The following ARHGEF38 variants were observed in gnomAD, a reference collection of about 807,000 sequenced individuals.
ARHGEF38 encodes Rho guanine nucleotide exchange factor 38.
A neutral mutation model predicts 79.9 loss-of-function variants in ARHGEF38; 79 were observed. The observed-to-expected ratio is 0.99, with a 90% CI of 0.82 to 1.19. ARHGEF38 has a LOEUF of 1.19. Among genes scored for constraint, ARHGEF38 ranks in the 50% most tolerant of loss-of-function variants. The pLI is 0.00. For synonymous variants in ARHGEF38, 366 were observed against 328.3 expected (o/e 1.11, Z -1.24); for missense variants, 962 against 907.2 (o/e 1.06, Z -0.78).
chr4:105,629,952 G>C (rs1370193080), intron 3 of ARHGEF38, among the ~76,000 whole-genome samples: 1 of 152,138 alleles, frequency 6.6e-6, no homozygotes, highest in Non-Finnish European at 1.5e-5. Flanking sequence ...CTTTCAGAGA[G>C]CCTCAGGAAA....
intron 3 of ARHGEF38, among the ~76,000 whole-genome samples, chr4:105,622,859 A>T (rs941664305): frequency 1.3e-5 from 2 of 152,232 alleles, no homozygotes; most frequent in African/African-American, 4.8e-5. Context: ...TTTTGCACAC[A>T]TGTTATTTCA....
intron 2 of ARHGEF38, among the ~76,000 whole-genome samples, chr4:105,595,126 T>C (rs1727521166): frequency 6.6e-6 from 1 of 152,160 alleles, no homozygotes; most frequent in African/African-American, 2.4e-5. Flanking sequence ...AGTGCAAATC[T>C]ACCAAAGATC....
chr4:105,638,827 T>C lies in ARHGEF38; in HGVS notation c.674+2407T>C, dbSNP rs79782016. ...TGCATAATATTCTGTCTGATATATATGCCATAATTTAGTTTGCCAAACCCT... is the reference window on the plus strand; with the variant it reads ...TGCATAATATTCTGTCTGATATATACGCCATAATTTAGTTTGCCAAACCCT... On this transcript the variant is annotated intron_variant, in intron 5 of 13. Coordinates refer to ENST00000420470, the MANE Select transcript of ARHGEF38 (RefSeq NM_001242729.2). Among the ~76,000 whole-genome samples, 1,276 of 152,280 alleles carry C rather than the reference T, an allele frequency of 8.4e-3. 18 individuals are homozygous for C. The highest frequency in any genetic ancestry group is 0.029 in the African/African-American group (1,226 of 41,564).
chr4:105,664,175 A>G (rs1267997159), intron 10 of ARHGEF38, among the ~76,000 whole-genome samples: 2 of 152,208 alleles, frequency 1.3e-5, no homozygotes, highest in African/African-American at 2.4e-5. Context: ...GGATTGCTGA[A>G]TCATATGGTA....
chr4:105,676,261 A>G lies in ARHGEF38; in HGVS notation c.2149-1491A>G, dbSNP rs1350676454. Reference sequence around the variant, plus strand: ...CTTTTCCTATATGTTGTTTTCATGTATTCATCTCCGTACCTTCAAATATGA... The same window carrying G: ...CTTTTCCTATATGTTGTTTTCATGTGTTCATCTCCGTACCTTCAAATATGA... On this transcript the variant is annotated intron_variant, in intron 13 of 13. Transcript: ENST00000420470. Among the ~76,000 whole-genome samples the G allele has an allele frequency of 3.3e-5, 5 of 152,272 alleles. No individual in the cohort carries two copies. The South Asian group carries it at 6.2e-4, about 19-fold the overall frequency.
chr4:105,643,977 C>T lies in ARHGEF38; in HGVS notation c.675-1211C>T, dbSNP rs376165215. 1.9e-4 allele frequency among the ~76,000 whole-genome samples: 29 copies of T among 151,344 alleles called. No homozygotes were observed. In the South Asian group the frequency reaches 5.9e-3, roughly 31 times the overall value. The stretch of plus-strand genomic sequence containing the variant: ...GACCTCCCCAGCTTAAGCAATCTGC[C>T]CACCTCAGCCTCCCAAGTATCTGAG... On this transcript the variant is annotated intron_variant, in intron 5 of 13. Coordinates refer to ENST00000420470, the MANE Select transcript of ARHGEF38 (RefSeq NM_001242729.2).
At chr4:105,653,145 G>T (rs1730175779) in intron 7 of ARHGEF38, among the ~76,000 whole-genome samples, 1 of 152,090 alleles carries the variant, frequency 6.6e-6, no homozygotes, top group Non-Finnish European at 1.5e-5. Flanking sequence ...CCTAGAAATT[G>T]TCACAGCATA....
chr4:105,589,866 T>C (rs1254145568), intron 2 of ARHGEF38, among the ~76,000 whole-genome samples: 2 of 151,776 alleles, frequency 1.3e-5, no homozygotes, highest in South Asian at 2.1e-4. Context: ...ACCTCATCTC[T>C]ACAAAATTAC....
At chr4:105,669,352 T>C (rs1297318440) in intron 13 of ARHGEF38, among the ~76,000 whole-genome samples, 1 of 152,190 alleles carries the variant, frequency 6.6e-6, no homozygotes, top group African/African-American at 2.4e-5. Context: ...TTTTGGGCTT[T>C]TAAAAAATTT....
intron 3 of ARHGEF38, among the ~76,000 whole-genome samples, chr4:105,620,937 T>C (rs913618125): frequency 6.6e-6 from 1 of 152,198 alleles, no homozygotes; most frequent in Admixed American, 6.5e-5. Flanking sequence ...CCTGACAATT[T>C]CTACTTTCAT....
At chr4:105,639,338 G>A (rs1169932698) in intron 5 of ARHGEF38, among the ~76,000 whole-genome samples, 3 of 151,806 alleles carry the variant, frequency 2.0e-5, no homozygotes, top group Non-Finnish European at 2.9e-5. Flanking sequence ...TTTTAACACA[G>A]TTTATGGCTG....
intron 9 of ARHGEF38, among the ~76,000 whole-genome samples, chr4:105,658,789 A>G (rs993553172): frequency 2.6e-5 from 4 of 152,146 alleles, no homozygotes; most frequent in African/African-American, 9.7e-5. Context: ...GTGGAGTTAT[A>G]TTTTGGGTGA....
At chr4:105,560,189 T>C (rs1056783262) in intron 1 of ARHGEF38, among the ~76,000 whole-genome samples, 1 of 152,228 alleles carries the variant, frequency 6.6e-6, no homozygotes, top group African/African-American at 2.4e-5. Flanking sequence ...TTTTGACTTA[T>C]AGTGGCATGT....
At chr4:105,602,358 G>A (rs1727860981) in intron 2 of ARHGEF38, among the ~76,000 whole-genome samples, 1 of 152,108 alleles carries the variant, frequency 6.6e-6, no homozygotes, top group Admixed American at 6.6e-5. Context: ...AGAAACAAAT[G>A]TTTTAAAACA....
intron 2 of ARHGEF38, among the ~76,000 whole-genome samples, chr4:105,605,440 C>G (rs962205021): frequency 6.6e-6 from 1 of 152,118 alleles, no homozygotes; most frequent in African/African-American, 2.4e-5. Context: ...ACTCCCCTTT[C>G]TGCAAAGGGA....
At chr4:105,602,551 G>C (rs1278119935) in intron 2 of ARHGEF38, among the ~76,000 whole-genome samples, 1 of 152,122 alleles carries the variant, frequency 6.6e-6, no homozygotes, top group Non-Finnish European at 1.5e-5. Context: ...TTGAATGTTG[G>C]AGATAGTGTG....
intron 1 of ARHGEF38, among the ~76,000 whole-genome samples, chr4:105,564,335 A>G (rs570221990): frequency 6.6e-6 from 1 of 152,302 alleles, no homozygotes; most frequent in Admixed American, 6.5e-5. Flanking sequence ...TTTGCAGTAA[A>G]ATTCTGACAC....
At chr4:105,585,164 A>G (rs905586948) in intron 1 of ARHGEF38, among the ~76,000 whole-genome samples, 2 of 88,052 alleles carry the variant, frequency 2.3e-5, no homozygotes, top group Admixed American at 1.2e-4. Context: ...AGAGAAAGTA[A>G]CCCTATTTTT....
chr4:105,580,623 T>C (rs958758722), intron 1 of ARHGEF38, among the ~76,000 whole-genome samples: 1 of 152,212 alleles, frequency 6.6e-6, no homozygotes, highest in Non-Finnish European at 1.5e-5. Context: ...GTACTGAGCA[T>C]AATTATATGT....
Sources: gnomAD v4.1 joint callset for allele counts (sites outside exome capture counted in the v4.1 genomes callset) on GRCh38, gnomAD v4.1.1 for gene constraint, MANE v1.5 for transcripts, NCBI Gene and HGNC (gene_info 2026-07-23, HGNC 2026-07-21) for gene names.